RBFOX1: variants seen among roughly 807,000 people sequenced by gnomAD.
The protein encoded by RBFOX1 is RNA binding protein fox-1 homolog 1.
Under a neutral mutation model 57.7 loss-of-function variants are expected in RBFOX1, and 8 were observed. The ratio of observed to expected loss-of-function variants is 0.14; its 90% CI spans 0.08 to 0.25. The LOEUF is 0.25. RBFOX1 is among the 10% of genes least tolerant of loss of function. RBFOX1 has a pLI of 1.00. For missense variants in RBFOX1, 611 were observed against 548.5 expected (o/e 1.11, Z -1.14); for synonymous variants, 326 against 222.4 (o/e 1.47, Z -4.15).
chr16:6,928,864 C>G (rs1191535644), intron 3 of RBFOX1, among the ~76,000 whole-genome samples: 1 of 152,160 alleles, frequency 6.6e-6, no homozygotes, highest in Non-Finnish European at 1.5e-5. Flanking sequence ...ACCACCACCA[C>G]CATCATCACC....
At chr16:6,288,238 CG>C (rs1304540505) in intron 1 of RBFOX1, among the ~76,000 whole-genome samples, 1 of 53,116 alleles carries the variant, frequency 1.9e-5, no homozygotes, top group Non-Finnish European at 4.1e-5. Flanking sequence ...ATGGTGTGAA[CG>C]GTTTTTTTAT....
At chr16:6,777,653 A>G (rs6500828) in intron 3 of RBFOX1, among the ~76,000 whole-genome samples, 111,082 of 152,038 alleles carry the variant, frequency 0.73, 41,525 homozygotes, top group East Asian at 0.92. Flanking sequence ...CCAGTTTCTT[A>G]GCCTGACAGT....
At chr16:5,403,817 G>T (rs979394549) in intron 1 of RBFOX1, among the ~76,000 whole-genome samples, 11 of 152,138 alleles carry the variant, frequency 7.2e-5, no homozygotes, top group African/African-American at 2.7e-4. Flanking sequence ...GTGATTTCCT[G>T]CCTCACTCCT....
intron 4 of RBFOX1, among the ~76,000 whole-genome samples, chr16:7,167,379 T>A (rs1404695091): frequency 1.3e-5 from 2 of 151,920 alleles, no homozygotes; most frequent in Non-Finnish European, 2.9e-5. Context: ...GGCTGGTGTT[T>A]CAATAAGAGA....
chr16:6,565,314 T>C (rs1451131318), intron 2 of RBFOX1, among the ~76,000 whole-genome samples: 3 of 151,916 alleles, frequency 2.0e-5, no homozygotes, highest in Non-Finnish European at 4.4e-5. Flanking sequence ...TGGAGCTCAG[T>C]GGCGCGATCT....
intron 3 of RBFOX1, among the ~76,000 whole-genome samples, chr16:7,010,292 A>G (rs1401445327): frequency 6.6e-6 from 1 of 152,210 alleles, no homozygotes; most frequent in East Asian, 1.9e-4. Flanking sequence ...CTTTTCATGA[A>G]CATTTAGAGA....
intron 2 of RBFOX1, among the ~76,000 whole-genome samples, chr16:6,632,637 C>G (rs925506675): frequency 6.6e-6 from 1 of 152,152 alleles, no homozygotes; most frequent in African/African-American, 2.4e-5. Context: ...TTTGCTTGAG[C>G]TATTCCACTC....
intron 5 of RBFOX1, among the ~76,000 whole-genome samples, chr16:7,564,540 CAAAAAAAAAAAAA>C (rs5815409): frequency 9.7e-5 from 8 of 82,516 alleles, no homozygotes; most frequent in Admixed American, 3.5e-4. Context: ...GACTCCATCT[CAAAAAAAAAAAAA>C]AAAAAAAAAA....
intron 1 of RBFOX1, among the ~76,000 whole-genome samples, chr16:6,290,263 G>A (rs55680138): frequency 6.7e-5 from 7 of 104,560 alleles, no homozygotes; most frequent in African/African-American, 1.8e-4. Context: ...CACTAAGAAC[G>A]AAGGTGAATA....
At chr16:7,212,553 A>C (rs548458895) in intron 4 of RBFOX1, among the ~76,000 whole-genome samples, 1 of 152,184 alleles carries the variant, frequency 6.6e-6, no homozygotes, top group Admixed American at 6.5e-5. Flanking sequence ...CCTGGGCACG[A>C]ACATTTTTCC....
At chr16:5,332,257 C>CTTTA (rs1555492395) in intron 1 of RBFOX1, among the ~76,000 whole-genome samples, 2 of 151,580 alleles carry the variant, frequency 1.3e-5, no homozygotes, top group South Asian at 2.1e-4. Flanking sequence ...TCAAAGGAAA[C>CTTTA]TTTATTTTAT....
intron 4 of RBFOX1, among the ~76,000 whole-genome samples, chr16:7,089,783 C>T (rs947275649): frequency 6.6e-6 from 1 of 152,186 alleles, no homozygotes; most frequent in Non-Finnish European, 1.5e-5. Context: ...TTTCTTCTCT[C>T]AGACCAATGC....
At chr16:7,101,527 C>G (rs2062692726) in intron 4 of RBFOX1, among the ~76,000 whole-genome samples, 1 of 152,006 alleles carries the variant, frequency 6.6e-6, no homozygotes, top group Non-Finnish European at 1.5e-5. Context: ...GTGTATCCAA[C>G]CAAAAGCATT....
chr16:7,332,729 G>A, intron 4 of RBFOX1: 11 of 1,292,908 alleles, frequency 8.5e-6, no homozygotes, highest in Non-Finnish European at 1.1e-5. Flanking sequence ...GTCATGTTAG[G>A]CAAGCTGTTC....
intron 3 of RBFOX1, among the ~76,000 whole-genome samples, chr16:7,023,898 A>G (rs979756284): frequency 6.6e-6 from 1 of 152,122 alleles, no homozygotes; most frequent in African/African-American, 2.4e-5. Context: ...TCGAGTTTGG[A>G]AAGGGAGTTG....
At position 6,948,423 on chromosome 16, in the gene RBFOX1, G is replaced by C. The variant is rs1042944336; in HGVS notation, c.-15-103634G>C. 5.8e-5 allele frequency among the ~76,000 whole-genome samples: 3 copies of C among 51,662 alleles called. No individual in the cohort carries two copies. The Admixed American group carries it at 9.6e-4, about 17-fold the overall frequency. 33.9% of individuals were successfully genotyped at this position (51,662 alleles called of 152,430 possible). A position where few individuals can be genotyped will look rare whatever the true frequency, so the allele number is the denominator to read the frequency against. On this transcript the variant is annotated intron_variant, in intron 3 of 15. Transcript: ENST00000550418. ...TTTTTTTGAGGCTGAGTTTTACTCT[G>C]TTGCCCAGGCTGGAGTGCAGTTTAT...
In RBFOX1 at chr16:5,908,251, C is replaced by G. The variant is rs1475131331; in HGVS notation, c.351+40916C>G. Among the ~76,000 whole-genome samples, 2 of 148,426 alleles carry G rather than the reference C, an allele frequency of 1.3e-5. 1 individual carries two copies. The highest frequency in any genetic ancestry group is 3.0e-5 in the Non-Finnish European group (2 of 67,370). Reference sequence around the variant, plus strand: ...ACACATATATATACATATACATACACACACATATATACACATATATATACA... The same window carrying G: ...ACACATATATATACATATACATACAGACACATATATACACATATATATACA... On this transcript the variant is annotated intron_variant, in intron 4 of 19. Transcript: ENST00000641259.
At chr16:5,415,885 A>G (rs2067147305) in intron 1 of RBFOX1, among the ~76,000 whole-genome samples, 1 of 152,190 alleles carries the variant, frequency 6.6e-6, no homozygotes, top group South Asian at 2.1e-4. Flanking sequence ...TCCCAGGGCA[A>G]AGGGAAGCAT....
intron 13 of RBFOX1, among the ~76,000 whole-genome samples, chr16:7,674,197 T>C (rs533561945): frequency 2.0e-5 from 3 of 152,282 alleles, no homozygotes; most frequent in Admixed American, 6.5e-5. Context: ...GCAGTAAAGA[T>C]AGAGGAGAGA....
Sources: allele counts gnomAD v4.1 joint callset (sites outside exome capture counted in the v4.1 genomes callset), GRCh38; gene constraint gnomAD v4.1.1; transcripts MANE v1.5; gene names NCBI Gene and HGNC (gene_info 2026-07-23, HGNC 2026-07-21).